NRG3: variants seen among roughly 807,000 people sequenced by gnomAD.
NRG3 encodes neuregulin 3.
In NRG3, 31 loss-of-function variants were observed where a neutral mutation model predicts 66.9. The observed-to-expected ratio is 0.46, with a 90% CI of 0.35 to 0.63. The LOEUF is 0.63. Among genes scored for constraint, NRG3 ranks in the 20% least tolerant of loss-of-function variants. NRG3 has a pLI of 0.00. For missense variants in NRG3, 910 were observed against 878.9 expected (o/e 1.04, Z -0.45); for synonymous variants, 393 against 359.4 (o/e 1.09, Z -1.06).
intron 1 of NRG3, among the ~76,000 whole-genome samples, chr10:81,898,534 G>A (rs1255087581): frequency 6.6e-6 from 1 of 152,204 alleles, no homozygotes; most frequent in African/African-American, 2.4e-5. Flanking sequence ...CTCTATGACA[G>A]TTTGTCAGTA....
chr10:82,593,815 T>G (rs1008910009), intron 2 of NRG3, among the ~76,000 whole-genome samples: 1 of 151,960 alleles, frequency 6.6e-6, no homozygotes, highest in Non-Finnish European at 1.5e-5. Flanking sequence ...ATGTCTGTTT[T>G]AATACATATA....
chr10:82,961,358 A>G (rs1464688434), intron 6 of NRG3, among the ~76,000 whole-genome samples: 1 of 152,170 alleles, frequency 6.6e-6, no homozygotes, highest in Non-Finnish European at 1.5e-5. Context: ...ACCCATAAAA[A>G]TCTCTATCAG....
Position 82,607,332 on chromosome 10 carries a change from A to C in NRG3, c.954-131245A>C, listed in dbSNP as rs529035006. On this transcript the variant is annotated intron_variant, in intron 2 of 8. Transcript: ENST00000372141. ...AGACTTTACCCCTTCTTCATTATGT[A>C]ATGCTCCTCTTTATCACTGATAATT... Among the ~76,000 whole-genome samples, 14 of 135,460 alleles carry C rather than the reference A, an allele frequency of 1.0e-4. 1 individual carries two copies. In the East Asian group the frequency reaches 3.1e-3, roughly 30 times the overall value. 88.9% of individuals were successfully genotyped at this position (135,460 alleles called of 152,430 possible).
chr10:82,233,817 C>T (rs1166875696), intron 1 of NRG3, among the ~76,000 whole-genome samples: 1 of 152,112 alleles, frequency 6.6e-6, no homozygotes, highest in African/African-American at 2.4e-5. Context: ...CCTACTTACA[C>T]CCACATTTAA....
intron 1 of NRG3, among the ~76,000 whole-genome samples, chr10:81,893,623 T>TAAA (rs1843238634): frequency 6.6e-6 from 1 of 152,210 alleles, no homozygotes; most frequent in Non-Finnish European, 1.5e-5. Context: ...CAAAACAAAT[T>TAAA]AACAAAATTT....
chr10:82,132,619 T>C (rs1025617695), intron 1 of NRG3, among the ~76,000 whole-genome samples: 1 of 148,186 alleles, frequency 6.7e-6, no homozygotes, highest in Non-Finnish European at 1.5e-5. Context: ...CCTCCTCCTC[T>C]AATTTTTGGA....
At chr10:82,929,960 C>T (rs1340514062) in intron 4 of NRG3, among the ~76,000 whole-genome samples, 3 of 151,936 alleles carry the variant, frequency 2.0e-5, no homozygotes, top group Non-Finnish European at 4.4e-5. Flanking sequence ...TTTTAGTTCT[C>T]GCAGACCCCC....
intron 3 of NRG3, among the ~76,000 whole-genome samples, chr10:82,841,176 A>G (rs1468065605): frequency 6.6e-6 from 1 of 152,176 alleles, no homozygotes; most frequent in African/African-American, 2.4e-5. Context: ...ATAGCCAGAA[A>G]CTGGAAGAGG....
chr10:82,251,221 A>G (rs1261164343), intron 1 of NRG3, among the ~76,000 whole-genome samples: 1 of 152,268 alleles, frequency 6.6e-6, no homozygotes, highest in South Asian at 2.1e-4. Context: ...CACTGGGCCT[A>G]TAGGAACTTG....
intron 1 of NRG3, among the ~76,000 whole-genome samples, chr10:82,258,567 G>T (rs2077858140): frequency 6.6e-6 from 1 of 152,188 alleles, no homozygotes; most frequent in African/African-American, 2.4e-5. Flanking sequence ...CAGGGCAAAT[G>T]GTGGAGTTAC....
intron 2 of NRG3, among the ~76,000 whole-genome samples, chr10:82,454,774 T>TA (rs374525682): frequency 6.6e-6 from 1 of 152,132 alleles, no homozygotes; most frequent in African/African-American, 2.4e-5. Flanking sequence ...AACAAAAAGT[T>TA]AACAATGAAA....
At chr10:81,997,840 GCCCCCCA>G (rs2061001257) in intron 1 of NRG3, among the ~76,000 whole-genome samples, 2 of 146,936 alleles carry the variant, frequency 1.4e-5, no homozygotes, top group African/African-American at 2.5e-5. Flanking sequence ...CTATATGTCT[GCCCCCCA>G]CCCCCCACCA....
chr10:82,639,137 T>C (rs758966639), intron 2 of NRG3, among the ~76,000 whole-genome samples: 12 of 152,308 alleles, frequency 7.9e-5, no homozygotes, highest in Non-Finnish European at 1.3e-4. Flanking sequence ...TTAATCTTCC[T>C]GCTGTATAAC....
intron 1 of NRG3, among the ~76,000 whole-genome samples, chr10:82,226,939 C>G (rs547786964): frequency 3.3e-5 from 5 of 152,294 alleles, no homozygotes; most frequent in African/African-American, 1.2e-4. Context: ...TCTCAATTGA[C>G]AAATGTGGAG....
At chr10:82,910,047 T>C (rs11819224) in intron 4 of NRG3, among the ~76,000 whole-genome samples, 54,515 of 152,064 alleles carry the variant, frequency 0.36, 10,202 homozygotes, top group East Asian at 0.54. Flanking sequence ...GTGGATCCAG[T>C]AGTGTCATGG....
At chr10:82,953,711 C>T (rs549977686) in intron 5 of NRG3, among the ~76,000 whole-genome samples, 1 of 151,862 alleles carries the variant, frequency 6.6e-6, no homozygotes, top group Non-Finnish European at 1.5e-5. Flanking sequence ...GTGACTCATG[C>T]CTGTAATCCC....
chr10:82,686,427 A>G lies in NRG3; in HGVS notation c.954-52150A>G, dbSNP rs188800524. Among the ~76,000 whole-genome samples, 283 of 152,146 alleles carry G rather than the reference A, an allele frequency of 1.9e-3. 1 individual carries two copies. Among genetic ancestry groups the G allele is most frequent in the African/African-American group, 6.3e-3 (263 of 41,492 alleles). Reference sequence around the variant, plus strand: ...GGTCTTCAACTCCTGACCTCAGGTGATCCACCCACCTCAGCCCCCCAAAGT... The same window carrying G: ...GGTCTTCAACTCCTGACCTCAGGTGGTCCACCCACCTCAGCCCCCCAAAGT... On this transcript the variant is annotated intron_variant, in intron 2 of 8. Coordinates refer to ENST00000372141, the MANE Select transcript of NRG3 (RefSeq NM_001010848.4).
intron 1 of NRG3, among the ~76,000 whole-genome samples, chr10:81,989,309 A>G (rs573485915): frequency 2.0e-5 from 3 of 152,268 alleles, no homozygotes; most frequent in African/African-American, 7.2e-5. Flanking sequence ...TTATCAGTCT[A>G]TAGATAGTTA....
intron 4 of NRG3, among the ~76,000 whole-genome samples, chr10:82,941,894 T>C (rs1405058525): frequency 1.3e-5 from 2 of 152,196 alleles, no homozygotes; most frequent in East Asian, 3.8e-4. Flanking sequence ...GTAATCATGC[T>C]TCATTTTGAT....
Sources: allele counts gnomAD v4.1 joint callset (sites outside exome capture counted in the v4.1 genomes callset), GRCh38; gene constraint gnomAD v4.1.1; transcripts MANE v1.5; gene names NCBI Gene and HGNC (gene_info 2026-07-23, HGNC 2026-07-21).